Variants in TAFA4 observed in about 807,000 individuals in gnomAD.
TAFA4 encodes the protein chemokine-like protein TAFA-4.
Under a neutral mutation model 21.1 loss-of-function variants are expected in TAFA4, and 20 were observed. The observed-to-expected ratio is 0.95, with a 90% CI of 0.67 to 1.38. The LOEUF is 1.38. TAFA4 is among the 40% of genes most tolerant of loss of function. The probability of loss-of-function intolerance (pLI) is 0.00; values close to 1 mark genes in which losing one functional copy is unlikely to be tolerated. For synonymous variants in TAFA4, 71 were observed against 67.4 expected (o/e 1.05, Z -0.26); for missense variants, 211 against 180.9 (o/e 1.17, Z -0.95).
At chr3:68,911,594 G>T (rs1447136372) in intron 1 of TAFA4, among the ~76,000 whole-genome samples, 4 of 152,146 alleles carry the variant, frequency 2.6e-5, no homozygotes, top group African/African-American at 7.2e-5. Flanking sequence ...GTCTTCTATG[G>T]GCTGGACACC....
chr3:68,918,885 C>G (rs1475663569), intron 1 of TAFA4, among the ~76,000 whole-genome samples: 1 of 151,188 alleles, frequency 6.6e-6, no homozygotes, highest in Non-Finnish European at 1.5e-5. Flanking sequence ...CTTTCTGTAA[C>G]CAGCACTTTC....
chr3:68,843,431 T>C (rs1162176574), intron 3 of TAFA4, among the ~76,000 whole-genome samples: 1 of 152,212 alleles, frequency 6.6e-6, no homozygotes, highest in African/African-American at 2.4e-5. Context: ...GCTGAGACAA[T>C]GGGGTTTTCT....
chr3:68,817,949 T>C (rs1171245290), intron 3 of TAFA4, among the ~76,000 whole-genome samples: 1 of 152,166 alleles, frequency 6.6e-6, no homozygotes, highest in East Asian at 1.9e-4. Context: ...GCATTTCCTC[T>C]AACAAGAGAG....
intron 3 of TAFA4, among the ~76,000 whole-genome samples, chr3:68,832,542 T>A (rs1704424456): frequency 6.6e-6 from 1 of 152,182 alleles, no homozygotes; most frequent in Admixed American, 6.5e-5. Flanking sequence ...TGCTACCTGA[T>A]CCTTCCTCTG....
intron 3 of TAFA4, among the ~76,000 whole-genome samples, chr3:68,871,422 A>C (rs1034913291): frequency 1.3e-5 from 2 of 152,146 alleles, no homozygotes; most frequent in African/African-American, 4.8e-5. Flanking sequence ...ATATACAAAA[A>C]TCAAATCAAA....
Position 68,747,433 on chromosome 3 carries a change from T to C in TAFA4, c.286+5430A>G, listed in dbSNP as rs1425636006. Reference sequence around the variant, plus strand: ...GTGATAGTGAATAAATCTCAGAAGATCTGATGGTTTTATAAAGGGCAGTTC... The same window carrying C: ...GTGATAGTGAATAAATCTCAGAAGACCTGATGGTTTTATAAAGGGCAGTTC... On this transcript the variant is annotated intron_variant, in intron 4 of 5. Coordinates refer to ENST00000295569, the MANE Select transcript of TAFA4 (RefSeq NM_182522.5). Among the ~76,000 whole-genome samples the C allele has an allele frequency of 2.0e-5, 3 of 152,122 alleles. No homozygotes were observed. In the East Asian group the frequency reaches 5.8e-4, roughly 30 times the overall value.
intron 3 of TAFA4, among the ~76,000 whole-genome samples, chr3:68,772,490 G>C (rs1417862452): frequency 6.6e-6 from 1 of 152,124 alleles, no homozygotes; most frequent in African/African-American, 2.4e-5. Context: ...CACTCTCCTG[G>C]ATCTGGGACA....
At chr3:68,805,494 A>C (rs1703674877) in intron 3 of TAFA4, among the ~76,000 whole-genome samples, 1 of 152,222 alleles carries the variant, frequency 6.6e-6, no homozygotes, top group South Asian at 2.1e-4. Context: ...TGCTATAAAG[A>C]CACATGCACA....
At chr3:68,816,314 A>AT (rs1241347379) in intron 3 of TAFA4, among the ~76,000 whole-genome samples, 3 of 152,178 alleles carry the variant, frequency 2.0e-5, no homozygotes, top group African/African-American at 7.2e-5. Context: ...TTAATGTATA[A>AT]TTAAAAAAAA....
At chr3:68,770,536 C>T (rs753337637) in intron 3 of TAFA4, among the ~76,000 whole-genome samples, 1 of 152,136 alleles carries the variant, frequency 6.6e-6, no homozygotes, top group South Asian at 2.1e-4. Flanking sequence ...CTCTAAAACA[C>T]CAGTTTTCAA....
At chr3:68,757,568 G>A (rs914902554) in intron 3 of TAFA4, among the ~76,000 whole-genome samples, 1 of 152,174 alleles carries the variant, frequency 6.6e-6, no homozygotes, top group Non-Finnish European at 1.5e-5. Context: ...GTCAAGAAAT[G>A]ATCTGGATGT....
At chr3:68,789,769 T>A (rs1393030187) in intron 3 of TAFA4, among the ~76,000 whole-genome samples, 1 of 152,202 alleles carries the variant, frequency 6.6e-6, no homozygotes, top group Non-Finnish European at 1.5e-5. Flanking sequence ...TGTAAAAATA[T>A]CCATCGGATG....
chr3:68,812,354 G>C (rs930476757), intron 3 of TAFA4, among the ~76,000 whole-genome samples: 2 of 152,132 alleles, frequency 1.3e-5, no homozygotes, highest in African/African-American at 4.8e-5. Flanking sequence ...TGGGCTAAAT[G>C]CTCCAATTAA....
intron 3 of TAFA4, among the ~76,000 whole-genome samples, chr3:68,804,684 GA>G (rs200521071): frequency 0.013 from 1,967 of 152,176 alleles, 47 homozygotes; most frequent in African/African-American, 0.045. Context: ...ACAAACCTGA[GA>G]AAAACAAGCA....
chr3:68,865,714 A>C (rs2089407614), intron 3 of TAFA4, among the ~76,000 whole-genome samples: 2 of 152,110 alleles, frequency 1.3e-5, no homozygotes, highest in South Asian at 4.1e-4. Flanking sequence ...ACATAATCAT[A>C]GTGTGCTGCT....
At chr3:68,923,597 A>G (rs552115736) in intron 1 of TAFA4, among the ~76,000 whole-genome samples, 1 of 152,300 alleles carries the variant, frequency 6.6e-6, no homozygotes, top group South Asian at 2.1e-4. Flanking sequence ...TAATATTAAC[A>G]GCCTCAATAG....
chr3:68,932,216 C>T (rs2090165416), intron 1 of TAFA4, 24 bp downstream of exon 1: 1 of 152,224 alleles, frequency 6.6e-6, no homozygotes, highest in Admixed American at 6.5e-5. Context: ...CTCGCCCCTC[C>T]TTATCCCTTC....
chr3:68,908,541 A>G (rs1444674608), intron 1 of TAFA4, among the ~76,000 whole-genome samples: 1 of 151,780 alleles, frequency 6.6e-6, no homozygotes, highest in East Asian at 1.9e-4. Flanking sequence ...AAAAATATCC[A>G]TCAAGGTGCC....
rs1704357981 is a variant in TAFA4 at position 68,830,506 on chromosome 3, G to C, written c.130+50224C>G. 4.6e-5 allele frequency among the ~76,000 whole-genome samples: 7 copies of C among 152,316 alleles called. No individual in the cohort carries two copies. The South Asian group carries it at 1.5e-3, about 32-fold the overall frequency. On this transcript the variant is annotated intron_variant, in intron 3 of 5. Transcript: ENST00000295569. ...CATGTAGTTGTGCAGTTTTGAGTGAGTTTTTTAATGCTGAGTTCTAATTTG... is the reference window on the plus strand; with the variant it reads ...CATGTAGTTGTGCAGTTTTGAGTGACTTTTTTAATGCTGAGTTCTAATTTG...
Sources: gnomAD v4.1 joint callset for allele counts (sites outside exome capture counted in the v4.1 genomes callset) on GRCh38, gnomAD v4.1.1 for gene constraint, MANE v1.5 for transcripts, NCBI Gene and HGNC (gene_info 2026-07-23, HGNC 2026-07-21) for gene names.